The following KIRREL3 variants were observed in gnomAD, a reference collection of about 807,000 sequenced individuals.
The protein encoded by KIRREL3 is kirre like nephrin family adhesion molecule 3.
In KIRREL3, 36 loss-of-function variants were observed where a neutral mutation model predicts 89.7. The observed-to-expected ratio is 0.40, with a 90% CI of 0.31 to 0.53. The LOEUF is 0.53. Among genes scored for constraint, KIRREL3 ranks in the 20% least tolerant of loss-of-function variants. The pLI is 0.49. For missense variants in KIRREL3, 864 were observed against 1,056.6 expected, an observed-to-expected ratio of 0.82 and a Z score of 2.53; for synonymous variants, 445 against 441.4, an observed-to-expected ratio of 1.01 and a Z score of -0.10.
At chr11:126,678,912 A>G (rs767843510) in intron 1 of KIRREL3, among the ~76,000 whole-genome samples, 4 of 152,210 alleles carry the variant, frequency 2.6e-5, no homozygotes, top group African/African-American at 7.2e-5. Context: ...TTCGATTACA[A>G]TGATGTAGCT....
At chr11:126,538,776 G>A (rs1215598753) in intron 2 of KIRREL3, among the ~76,000 whole-genome samples, 11 of 152,180 alleles carry the variant, frequency 7.2e-5, no homozygotes, top group Non-Finnish European at 1.5e-4. Flanking sequence ...AAGTCCCCAG[G>A]TTGGGTGTGG....
intron 6 of KIRREL3, among the ~76,000 whole-genome samples, chr11:126,458,318 A>T (rs114214734): frequency 4.9e-3 from 747 of 152,362 alleles, no homozygotes; most frequent in African/African-American, 0.017. Context: ...TTCGGTCCCC[A>T]TGGGGGCACC....
chr11:126,995,357 T>C lies in KIRREL3; in HGVS notation c.55+5098A>G, dbSNP rs1477100744. Reference sequence around the variant, plus strand: ...CAGCATGCTCATGATCTTACTGACCTTCTCCACTGATGAATTAGAACACCC... The same window carrying C: ...CAGCATGCTCATGATCTTACTGACCCTCTCCACTGATGAATTAGAACACCC... On this transcript the variant is annotated intron_variant, in intron 1 of 16. Transcript: ENST00000525144. This position sits in a 1 kb window ranked among gnomAD's most constrained non-coding sequence, Gnocchi z 6.5. 1 of 456,200 alleles carries C rather than the reference T, an allele frequency of 2.2e-6. No homozygotes were observed. The highest frequency in any genetic ancestry group is 7.0e-5 in the East Asian group (1 of 14,376). The allele number at this position is 456,200 out of a possible 1,614,324, so 28.3% of individuals were successfully genotyped here.
rs1317809182 is a variant in KIRREL3 at position 126,686,508 on chromosome 11, A to C, written c.56-123596T>G. On this transcript the variant is annotated intron_variant, in intron 1 of 16. Transcript: ENST00000525144. This position sits in a 1 kb window ranked among gnomAD's most constrained non-coding sequence, Gnocchi z 4.7. ...TGTTCTGATAGGGTCAGTGCTGGCCACTGAGCGGGGAGGGTGGGGAGGGAC... is the reference window on the plus strand; with the variant it reads ...TGTTCTGATAGGGTCAGTGCTGGCCCCTGAGCGGGGAGGGTGGGGAGGGAC... Among the ~76,000 whole-genome samples, 1 of 151,740 alleles carries C rather than the reference A, an allele frequency of 6.6e-6. No homozygotes were observed. Among genetic ancestry groups the C allele is most frequent in the African/African-American group, 2.4e-5 (1 of 41,350 alleles).
chr11:126,728,701 T>C (rs1178417638), intron 1 of KIRREL3, among the ~76,000 whole-genome samples: 1 of 152,176 alleles, frequency 6.6e-6, no homozygotes, highest in Non-Finnish European at 1.5e-5. Context: ...TGAGTACTTG[T>C]CAGTGGAGTG....
At position 126,523,679 on chromosome 11, in the gene KIRREL3, G is replaced by C. The variant is rs1320252490; in HGVS notation, c.284-2215C>G. Among the ~76,000 whole-genome samples, 5 of 152,106 alleles carry C rather than the reference G, an allele frequency of 3.3e-5. No individual in the cohort carries two copies. Among genetic ancestry groups the C allele is most frequent in the Non-Finnish European group, 7.4e-5 (5 of 68,022 alleles). On this transcript the variant is annotated intron_variant, in intron 3 of 16. Coordinates refer to ENST00000525144, the MANE Select transcript of KIRREL3 (RefSeq NM_032531.4). The surrounding 1 kb of genome is among the most constrained non-coding windows in gnomAD (Gnocchi z 4.9). ...GCTGTCTCCCCCCAGGGCCAGGAGA[G>C]GGGCTGGAAATGGGTTCTAGCCCAA... is the stretch of plus-strand genomic sequence containing the variant.
At chr11:126,468,958 C>A (rs766294461) in intron 5 of KIRREL3, among the ~76,000 whole-genome samples, 1 of 152,190 alleles carries the variant, frequency 6.6e-6, no homozygotes, top group Admixed American at 6.5e-5. Flanking sequence ...ATATGGGAAA[C>A]GCGAGGTCCA....
chr11:126,425,662 C>T lies in KIRREL3; in HGVS notation c.1869G>A (p.Glu623=). 1 of 1,592,674 alleles carries T rather than the reference C, an allele frequency of 6.3e-7. No individual in the cohort carries two copies. Among genetic ancestry groups the T allele is most frequent in the Non-Finnish European group, 8.6e-7 (1 of 1,168,638 alleles). The change falls in exon 16 of 17, where the codon GAG becomes GAA. Residue 623 remains glutamate (E), a synonymous_variant. Transcript: ENST00000525144. ...CCTTCAGGTTCTGAAACTCTTTCTC[C>T]TCTTCTTTGAGGACCTCCAGCTGTT... ...VLKQLEVLKE[E]EKEFQNLKDP... is the part of the protein sequence containing the mutation.
At chr11:126,599,403 T>TTC (rs1235259501) in intron 1 of KIRREL3, among the ~76,000 whole-genome samples, 1 of 152,182 alleles carries the variant, frequency 6.6e-6, no homozygotes, top group African/African-American at 2.4e-5. Flanking sequence ...TTTCTTCTTC[T>TTC]TCTCTGTTCT....
At chr11:126,603,625 G>A (rs547624089) in intron 1 of KIRREL3, among the ~76,000 whole-genome samples, 77 of 152,374 alleles carry the variant, frequency 5.1e-4, no homozygotes, top group African/African-American at 1.7e-3. Context: ...GAGCAGCTGT[G>A]CTGGAGCCAC....
chr11:126,923,995 G>T (rs1417871379), intron 1 of KIRREL3, among the ~76,000 whole-genome samples: 5 of 152,184 alleles, frequency 3.3e-5, no homozygotes, highest in African/African-American at 1.2e-4. Context: ...AGAGGCTAGA[G>T]CATCATCCAA....
chr11:126,598,071 T>C (rs1942483487), intron 1 of KIRREL3, among the ~76,000 whole-genome samples: 1 of 152,222 alleles, frequency 6.6e-6, no homozygotes, highest in South Asian at 2.1e-4. Context: ...CAATAGCTAA[T>C]GAGCAGGCGC....
At chr11:126,821,874 G>A (rs1226729451) in intron 1 of KIRREL3, among the ~76,000 whole-genome samples, 1 of 152,112 alleles carries the variant, frequency 6.6e-6, no homozygotes, top group Admixed American at 6.5e-5. Flanking sequence ...TCTGGAAGGT[G>A]GAAAAGGCAT....
intron 2 of KIRREL3, among the ~76,000 whole-genome samples, chr11:126,545,880 A>G (rs1938777962): frequency 6.6e-6 from 1 of 152,218 alleles, no homozygotes. Context: ...GAAGTACCTG[A>G]GGCAAGGGCC....
chr11:126,580,767 G>A (rs1480562056), intron 1 of KIRREL3, among the ~76,000 whole-genome samples: 1 of 151,778 alleles, frequency 6.6e-6, no homozygotes, highest in African/African-American at 2.4e-5. Context: ...ACTTGCCCTG[G>A]ACTCTGTCTG....
rs1948542127 is a variant in KIRREL3 at position 126,729,833 on chromosome 11, C to T, written c.56-166921G>A. On this transcript the variant is annotated intron_variant, in intron 1 of 16. Coordinates refer to ENST00000525144, the MANE Select transcript of KIRREL3 (RefSeq NM_032531.4). This position sits in a 1 kb window ranked among gnomAD's most constrained non-coding sequence, Gnocchi z 4.5. ...CACTAAGAGCACACCATGTTTGCTG[C>T]TTTTAACTGTTTCCAAATCCTTCTA... Among the ~76,000 whole-genome samples the T allele has an allele frequency of 6.6e-6, 1 of 152,152 alleles. No individual in the cohort carries two copies. Among genetic ancestry groups the T allele is most frequent in the South Asian group, 2.1e-4 (1 of 4,828 alleles).
rs941522251 is a variant in KIRREL3, at chr11:126,677,094, T to C, written c.56-114182A>G. On this transcript the variant is annotated intron_variant, in intron 1 of 16. Transcript: ENST00000525144. This position sits in a 1 kb window ranked among gnomAD's most constrained non-coding sequence, Gnocchi z 5.1. ...GCTGTATTGAGATACAGTTCACATATGGCCCACTTAAAGAATACAATTCAG... is the reference window on the plus strand; with the variant it reads ...GCTGTATTGAGATACAGTTCACATACGGCCCACTTAAAGAATACAATTCAG... Among the ~76,000 whole-genome samples the C allele has an allele frequency of 6.6e-6, 1 of 152,022 alleles. No individual in the cohort carries two copies. The highest frequency in any genetic ancestry group is 1.5e-5 in the Non-Finnish European group (1 of 68,018).
chr11:126,634,739 G>T (rs377113931), intron 1 of KIRREL3, among the ~76,000 whole-genome samples: 2 of 152,162 alleles, frequency 1.3e-5, no homozygotes, highest in African/African-American at 2.4e-5. Context: ...GCACTCCATT[G>T]CCCCCTAGCC....
At chr11:126,533,959 G>A (rs182596045) in intron 2 of KIRREL3, among the ~76,000 whole-genome samples, 98 of 152,302 alleles carry the variant, frequency 6.4e-4, no homozygotes, top group African/African-American at 1.9e-3. Flanking sequence ...GCTGGGCGAC[G>A]GGAAGCGTGA....
Sources: allele counts gnomAD v4.1 joint callset (sites outside exome capture counted in the v4.1 genomes callset), GRCh38; gene constraint gnomAD v4.1.1; non-coding constraint Gnocchi (gnomAD v3.1); transcripts MANE v1.5; gene names NCBI Gene and HGNC (gene_info 2026-07-23, HGNC 2026-07-21).